SGCZ: variants seen among roughly 807,000 people sequenced by gnomAD.
The protein encoded by SGCZ is zeta-sarcoglycan.
A neutral mutation model predicts 41.3 loss-of-function variants in SGCZ; 40 were observed. The observed-to-expected ratio is 0.97, with a 90% CI of 0.75 to 1.26. SGCZ has a LOEUF of 1.26. SGCZ is among the 50% of genes most tolerant of loss of function. The probability of loss-of-function intolerance (pLI) is 0.00; values close to 1 mark genes in which losing one functional copy is unlikely to be tolerated. For synonymous variants in SGCZ, 206 were observed against 137.5 expected (o/e 1.50, Z -3.49); for missense variants, 552 against 369.8 (o/e 1.49, Z -4.04).
chr8:14,498,636 T>C (rs1212979794), intron 2 of SGCZ, among the ~76,000 whole-genome samples: 1 of 152,096 alleles, frequency 6.6e-6, no homozygotes, highest in Non-Finnish European at 1.5e-5. Context: ...TTTTTCTACA[T>C]TCATGAGCTA....
intron 1 of SGCZ, among the ~76,000 whole-genome samples, chr8:14,933,154 A>G (rs1488443481): frequency 6.6e-6 from 1 of 152,024 alleles, no homozygotes; most frequent in African/African-American, 2.4e-5. Flanking sequence ...CGTCGGTAAC[A>G]GCATCAATTG....
At chr8:14,438,678 T>C (rs1228877321) in intron 2 of SGCZ, among the ~76,000 whole-genome samples, 1 of 152,076 alleles carries the variant, frequency 6.6e-6, no homozygotes, top group Non-Finnish European at 1.5e-5. Flanking sequence ...TCCCATCAGA[T>C]ATTTCATGAG....
chr8:14,802,811 G>A (rs957153604), intron 1 of SGCZ, among the ~76,000 whole-genome samples: 2 of 152,170 alleles, frequency 1.3e-5, no homozygotes, highest in African/African-American at 4.8e-5. Context: ...AATGTTCCAA[G>A]AAATAGGGTG....
chr8:14,612,417 T>G (rs1473318113), intron 1 of SGCZ, among the ~76,000 whole-genome samples: 1 of 152,196 alleles, frequency 6.6e-6, no homozygotes, highest in Non-Finnish European at 1.5e-5. Flanking sequence ...AAGTTTCCTG[T>G]GGTTTCCTCA....
chr8:14,937,183 C>T (rs1038030699), intron 1 of SGCZ, among the ~76,000 whole-genome samples: 19 of 151,636 alleles, frequency 1.3e-4, no homozygotes, highest in Non-Finnish European at 2.4e-4. Context: ...TAAAAATTAG[C>T]AATATTAAAA....
intron 1 of SGCZ, among the ~76,000 whole-genome samples, chr8:14,693,923 A>G (rs1237326942): frequency 6.6e-6 from 1 of 152,104 alleles, no homozygotes; most frequent in East Asian, 1.9e-4. Context: ...ATTAATTTTC[A>G]GCCACACTGT....
intron 1 of SGCZ, among the ~76,000 whole-genome samples, chr8:14,720,163 A>G (rs918903680): frequency 6.6e-6 from 1 of 151,930 alleles, no homozygotes; most frequent in Admixed American, 6.6e-5. Flanking sequence ...ACAAATACAT[A>G]TCTTCAAAAA....
At chr8:15,140,023 C>CT (rs1172886224) in intron 1 of SGCZ, among the ~76,000 whole-genome samples, 249 of 148,596 alleles carry the variant, frequency 1.7e-3, no homozygotes, top group African/African-American at 5.4e-3. Flanking sequence ...GTTATAAAGC[C>CT]TTTTTTTTTT....
At chr8:15,159,093 G>C (rs556196110) in intron 1 of SGCZ, among the ~76,000 whole-genome samples, 1 of 152,160 alleles carries the variant, frequency 6.6e-6, no homozygotes, top group African/African-American at 2.4e-5. Flanking sequence ...CTTCTGAGAG[G>C]GGAGGGGGCC....
chr8:14,958,533 T>A (rs1800864849), intron 1 of SGCZ, among the ~76,000 whole-genome samples: 1 of 151,808 alleles, frequency 6.6e-6, no homozygotes, highest in Non-Finnish European at 1.5e-5. Context: ...AAAAAACGAT[T>A]TGTGGTGAAA....
At chr8:14,797,545 A>G (rs148139412) in intron 1 of SGCZ, among the ~76,000 whole-genome samples, 35 of 152,320 alleles carry the variant, frequency 2.3e-4, no homozygotes, top group Non-Finnish European at 2.5e-4. Context: ...AGGATGGGAA[A>G]ATTTACAGCC....
At chr8:14,186,474 A>G (rs1233174575) in intron 4 of SGCZ, among the ~76,000 whole-genome samples, 1 of 152,168 alleles carries the variant, frequency 6.6e-6, no homozygotes, top group Non-Finnish European at 1.5e-5. Context: ...TCTTAAATCC[A>G]TGGCCCTGGC....
At chr8:14,218,108 C>G (rs1207470543) in intron 4 of SGCZ, among the ~76,000 whole-genome samples, 1 of 152,106 alleles carries the variant, frequency 6.6e-6, no homozygotes, top group Admixed American at 6.6e-5. Flanking sequence ...TAACTTTGAA[C>G]TGGTCCCCCT....
chr8:14,780,374 CAAAAAAAA>C (rs533888354), intron 1 of SGCZ, among the ~76,000 whole-genome samples: 1 of 79,086 alleles, frequency 1.3e-5, no homozygotes, highest in South Asian at 4.5e-4. Flanking sequence ...GACTCCATCT[CAAAAAAAA>C]AAAAAAAAGA....
intron 1 of SGCZ, among the ~76,000 whole-genome samples, chr8:15,012,784 T>A (rs544466181): frequency 6.7e-6 from 1 of 149,238 alleles, no homozygotes; most frequent in Admixed American, 6.8e-5. Context: ...TATATATTTA[T>A]TTATGTGTGT....
At chr8:14,567,643 G>T (rs1287995380) in intron 1 of SGCZ, among the ~76,000 whole-genome samples, 1 of 152,168 alleles carries the variant, frequency 6.6e-6, no homozygotes, top group African/African-American at 2.4e-5. Flanking sequence ...CTTCCACAGT[G>T]TGGAGGGTTT....
At chr8:14,156,324 G>A (rs1490539037) in intron 5 of SGCZ, among the ~76,000 whole-genome samples, 3 of 152,090 alleles carry the variant, frequency 2.0e-5, no homozygotes, top group East Asian at 1.9e-4. Context: ...GCCGGGCGTG[G>A]TGGTGGTCGC....
intron 1 of SGCZ, among the ~76,000 whole-genome samples, chr8:15,065,850 C>G (rs1805119894): frequency 6.6e-6 from 1 of 152,110 alleles, no homozygotes; most frequent in African/African-American, 2.4e-5. Flanking sequence ...GTGGTAGGGC[C>G]TTAATATGAA....
chr8:14,688,485 G>C (rs1808690830), intron 1 of SGCZ, among the ~76,000 whole-genome samples: 1 of 152,104 alleles, frequency 6.6e-6, no homozygotes, highest in Admixed American at 6.6e-5. Context: ...TCTCAGGTTT[G>C]TCAAAGATCA....
Sources: allele counts gnomAD v4.1 joint callset (sites outside exome capture counted in the v4.1 genomes callset), GRCh38; gene constraint gnomAD v4.1.1; transcripts MANE v1.5; gene names NCBI Gene and HGNC (gene_info 2026-07-23, HGNC 2026-07-21).